The following SYPL1 variants were observed in gnomAD, a reference collection of about 807,000 sequenced individuals.
SYPL1 encodes synaptophysin-like protein 1.
In SYPL1, 6 loss-of-function variants were observed where a neutral mutation model predicts 23.7. That is an observed-to-expected ratio of 0.25 (90% CI 0.14 to 0.50). The LOEUF (loss-of-function observed/expected upper bound fraction) is 0.50. SYPL1 is among the 20% of genes least tolerant of loss of function. The probability of loss-of-function intolerance (pLI) is 0.98; values close to 1 mark genes in which losing one functional copy is unlikely to be tolerated. For synonymous variants in SYPL1, 102 were observed against 104.5 expected (o/e 0.98, Z 0.15); for missense variants, 253 against 288.9 (o/e 0.88, Z 0.90).
At chr7:106,092,830 A>G in intron 4 of SYPL1, 119 bp downstream of exon 4, 1 of 849,776 alleles carries the variant, frequency 1.2e-6, no homozygotes, top group Non-Finnish European at 1.7e-6. Context: ...ACTAGAATTC[A>G]GGTAGCTGAG....
intron 1 of SYPL1, among the ~76,000 whole-genome samples, chr7:106,107,950 T>C (rs1026687018): frequency 6.6e-6 from 1 of 152,012 alleles, no homozygotes; most frequent in African/African-American, 2.4e-5. Flanking sequence ...ATCCCAGCAC[T>C]TGGGGAGGCC....
At chr7:106,108,395 T>C (rs1162306666) in intron 1 of SYPL1, among the ~76,000 whole-genome samples, 2 of 152,150 alleles carry the variant, frequency 1.3e-5, no homozygotes, top group African/African-American at 4.8e-5. Context: ...ATTAGTTTTC[T>C]TCATGTGTTT....
In SYPL1 at chr7:106,091,996, C is replaced by T; in HGVS notation, c.592-57G>A. On this transcript the variant is annotated intron_variant, in intron 4 of 4. Coordinates refer to ENST00000455385, the MANE Select transcript of SYPL1 (RefSeq NM_182715.4). The surrounding 1 kb of genome is among the most constrained non-coding windows in gnomAD (Gnocchi z 5.0). ...AATACCTACTTATAAAAATTCATGC[C>T]CTACTTAAAAATCTCACTTTTTCTT... 6.6e-7 allele frequency: 1 copy of T among 1,513,640 alleles called. No homozygotes were observed. Among genetic ancestry groups the T allele is most frequent in the Non-Finnish European group, 8.9e-7 (1 of 1,125,932 alleles). The allele number at this position is 1,513,640 out of a possible 1,614,324, so 93.8% of individuals were successfully genotyped here. A position where few individuals can be genotyped will look rare whatever the true frequency, so the allele number is the denominator to read the frequency against.
At chr7:106,101,751 T>A in intron 1 of SYPL1, among the ~76,000 whole-genome samples, 2 of 138,660 alleles carry the variant, frequency 1.4e-5, no homozygotes, top group African/African-American at 2.7e-5. Context: ...AGAAAATGAG[T>A]CCTGAGCATA....
rs1208581389 is a variant in SYPL1, at chr7:106,090,778, A to G, written c.*1027T>C. The G allele has an allele frequency of 6.6e-6, 1 of 152,252 alleles. No individual in the cohort carries two copies. Among genetic ancestry groups the G allele is most frequent in the Non-Finnish European group, 1.5e-5 (1 of 68,028 alleles). The allele number at this position is 152,252 out of a possible 1,614,324, so 9.4% of individuals were successfully genotyped here. A position where few individuals can be genotyped will look rare whatever the true frequency, so the allele number is the denominator to read the frequency against. On this transcript the variant is annotated 3_prime_UTR_variant, in exon 5 of 5. Transcript: ENST00000455385. ...CCTCACTTAGGTTCCTTTATGATGC[A>G]TAATTCCTTAATCATTCATTTGTGA...
rs1326488775 is a variant in SYPL1 at position 106,097,596 on chromosome 7, G to C, written c.402+94C>G. On this transcript the variant is annotated intron_variant, in intron 3 of 4. Coordinates refer to ENST00000455385, the MANE Select transcript of SYPL1 (RefSeq NM_182715.4). This position sits in a 1 kb window ranked among gnomAD's most constrained non-coding sequence, Gnocchi z 4.6. ...ACACAGGCTAAAATATGCTGAACTG[G>C]CTTACACCAAGAATTTTTATTTCCA... 3 of 1,180,784 alleles carry C rather than the reference G, an allele frequency of 2.5e-6. No individual in the cohort carries two copies. Among genetic ancestry groups the C allele is most frequent in the Middle Eastern group, 2.6e-4 (1 of 3,854 alleles). 73.1% of individuals were successfully genotyped at this position (1,180,784 alleles called of 1,614,324 possible).
upstream of SYPL1, chr7:106,112,574 C>T (rs1162136604): frequency 6.7e-7 from 1 of 1,485,394 alleles, no homozygotes; most frequent in Admixed American, 2.4e-5. Flanking sequence ...GCCCCTGGCA[C>T]TCGGTCTTCC....
chr7:106,108,171 A>C (rs1403918074), intron 1 of SYPL1, among the ~76,000 whole-genome samples: 1 of 152,178 alleles, frequency 6.6e-6, no homozygotes, highest in Non-Finnish European at 1.5e-5. Flanking sequence ...TCCAGCCTGG[A>C]CAAGACAGAG....
At chr7:106,108,045 C>A (rs1387620237) in intron 1 of SYPL1, among the ~76,000 whole-genome samples, 1 of 151,838 alleles carries the variant, frequency 6.6e-6, no homozygotes, top group African/African-American at 2.4e-5. Context: ...AAATACAAAA[C>A]TTAGCTGGAT....
rs927440055 is a variant in SYPL1, at chr7:106,090,516, T to G, written c.*1289A>C. On this transcript the variant is annotated 3_prime_UTR_variant, in exon 5 of 5. Transcript: ENST00000455385. ...CAATCAGTGCACTCTTTCTTTCAAC[T>G]CCTTTATTAAATTGGTTGCAAAAAA... 9 of 152,706 alleles carry G rather than the reference T, an allele frequency of 5.9e-5. No individual in the cohort carries two copies. Among genetic ancestry groups the G allele is most frequent in the Admixed American group, 1.3e-4 (2 of 15,294 alleles). 9.5% of individuals were successfully genotyped at this position (152,706 alleles called of 1,614,324 possible). A position where few individuals can be genotyped will look rare whatever the true frequency, so the allele number is the denominator to read the frequency against.
In SYPL1 at chr7:106,097,916, G is replaced by C; in HGVS notation, c.195-19C>G. On this transcript the variant is annotated intron_variant, in intron 2 of 4. Transcript: ENST00000455385. This position sits in a 1 kb window ranked among gnomAD's most constrained non-coding sequence, Gnocchi z 4.6. Reference sequence around the variant, plus strand: ...ATTCAACCTATTAAAATAAATGTATGAATTATTGGACTTTCCCAACAGAGA... The same window carrying C: ...ATTCAACCTATTAAAATAAATGTATCAATTATTGGACTTTCCCAACAGAGA... 2 of 1,591,650 alleles carry C rather than the reference G, an allele frequency of 1.3e-6. No individual in the cohort carries two copies. Among genetic ancestry groups the C allele is most frequent in the South Asian group, 2.2e-5 (2 of 89,322 alleles).
At chr7:106,099,362 G>GT in intron 1 of SYPL1, 80 bp from the exon 2 acceptor site, 1 of 1,450,098 alleles carries the variant, frequency 6.9e-7, no homozygotes, top group Non-Finnish European at 9.3e-7. Context: ...CACTAAAACT[G>GT]TAAGCACACT....
chr7:106,112,543 C>T, upstream of SYPL1: 1 of 1,505,806 alleles, frequency 6.6e-7, no homozygotes, highest in South Asian at 1.3e-5. Context: ...GCGTGCGCCG[C>T]GCCCCCTTCC....
Position 106,091,932 on chromosome 7 carries a change from C to T in SYPL1, c.599G>A (p.Gly200Asp). ...MGSLNVSVIF[G>D]FLNMILWGGN... ...TCCCCAGAGTATCATATTTAGAAAG[C>T]CAAATATCTATGAAAGAGAAAAAGA... Residue 200 changes from glycine to aspartate, a missense_variant, in exon 5 of 5, where the codon GGC (glycine) becomes GAC (aspartate). Transcript: ENST00000455385. This position sits in a 1 kb window ranked among gnomAD's most constrained non-coding sequence, Gnocchi z 5.0. The T allele has an allele frequency of 1.2e-6, 2 of 1,607,928 alleles. No individual in the cohort carries two copies. Among genetic ancestry groups the T allele is most frequent in the South Asian group, 2.2e-5 (2 of 89,638 alleles).
chr7:106,108,507 C>T (rs1840734144), intron 1 of SYPL1, among the ~76,000 whole-genome samples: 1 of 152,106 alleles, frequency 6.6e-6, no homozygotes, highest in Non-Finnish European at 1.5e-5. Context: ...TTCTGAGTCC[C>T]CTGGTCCACA....
intron 1 of SYPL1, among the ~76,000 whole-genome samples, chr7:106,111,460 G>A (rs911198404): frequency 6.6e-6 from 1 of 152,128 alleles, no homozygotes; most frequent in East Asian, 1.9e-4. Flanking sequence ...CTCAGGAAAG[G>A]ACTAAAAGCT....
Position 106,112,291 on chromosome 7 carries a change from G to A in SYPL1, c.-83C>T, listed in dbSNP as rs575045341. The stretch of plus-strand genomic sequence containing the variant: ...GAGACCAGAGCAGCCCGGTGGCGAG[G>A]AAGGGCAGGCGGGGCTGGCGCGCTG... On this transcript the variant is annotated 5_prime_UTR_variant, in exon 1 of 5. Transcript: ENST00000455385. The A allele has an allele frequency of 2.1e-4, 291 of 1,391,012 alleles. No individual in the cohort carries two copies. In the Middle Eastern group the frequency reaches 5.9e-3, roughly 28 times the overall value. 86.2% of individuals were successfully genotyped at this position (1,391,012 alleles called of 1,614,324 possible).
At position 106,098,537 on chromosome 7, in the gene SYPL1, A is replaced by C. The variant is rs117722427; in HGVS notation, c.194+621T>G. On this transcript the variant is annotated intron_variant, in intron 2 of 4. Transcript: ENST00000455385. The stretch of plus-strand genomic sequence containing the variant: ...TTCCAATTACTGGACCAAAAAATTG[A>C]GTCTTGGGTGAAGTAAGTAAAATTA... 8.3e-3 allele frequency among the ~76,000 whole-genome samples: 1,265 copies of C among 152,316 alleles called. 56 individuals carry two copies. The highest frequency in any genetic ancestry group is 0.067 in the Admixed American group (1,032 of 15,302).
rs2116216704 is a variant in SYPL1, at chr7:106,109,753, C to A, written c.69+2387G>T. 6.6e-6 allele frequency among the ~76,000 whole-genome samples: 1 copy of A among 152,228 alleles called. No homozygotes were observed. Among genetic ancestry groups the A allele is most frequent in the African/African-American group, 2.4e-5 (1 of 41,546 alleles). ...AGAAAGACAGCAGTCATCTTAGGGT[C>A]CTCCCTCTTTGTTACCTTCCATATA... On this transcript the variant is annotated intron_variant, in intron 1 of 4. Coordinates refer to ENST00000455385, the MANE Select transcript of SYPL1 (RefSeq NM_182715.4). This position sits in a 1 kb window ranked among gnomAD's most constrained non-coding sequence, Gnocchi z 4.3.
Sources: allele counts gnomAD v4.1 joint callset (sites outside exome capture counted in the v4.1 genomes callset), GRCh38; gene constraint gnomAD v4.1.1; non-coding constraint Gnocchi (gnomAD v3.1); transcripts MANE v1.5; gene names NCBI Gene and HGNC (gene_info 2026-07-23, HGNC 2026-07-21).